PLCL2: variants seen among roughly 807,000 people sequenced by gnomAD.
The protein encoded by PLCL2 is inactive phospholipase C-like protein 2.
A neutral mutation model predicts 79.6 loss-of-function variants in PLCL2; 4 were observed. The observed-to-expected ratio is 0.05, with a 90% CI of 0.02 to 0.11. The LOEUF (loss-of-function observed/expected upper bound fraction) is 0.11. Among genes scored for constraint, PLCL2 ranks in the 10% least tolerant of loss-of-function variants. PLCL2 has a pLI of 1.00. For synonymous variants in PLCL2, 484 were observed against 457.7 expected, an observed-to-expected ratio of 1.06 and a Z score of -0.73; for missense variants, 895 against 1,291.0, an observed-to-expected ratio of 0.69 and a Z score of 4.70.
At chr3:17,003,777 T>G (rs1375031525) in intron 1 of PLCL2, among the ~76,000 whole-genome samples, 3 of 152,132 alleles carry the variant, frequency 2.0e-5, no homozygotes, top group Admixed American at 1.3e-4. Context: ...AAGCTCCTGA[T>G]TACAAGAGGT....
In PLCL2 at chr3:16,902,858, G is replaced by A. The variant is rs530318182; in HGVS notation, c.327+17492G>A. The stretch of plus-strand genomic sequence containing the variant: ...AAAAAAAAAAAAATGCAGTGCGTGT[G>A]TGTGTGTGTGTGTGTGTGTGTGTGN... On this transcript the variant is annotated intron_variant, in intron 1 of 5. Transcript: ENST00000615277. Among the ~76,000 whole-genome samples, 18 of 31,196 alleles carry A rather than the reference G, an allele frequency of 5.8e-4. No individual in the cohort carries two copies. In the South Asian group the frequency reaches 0.022, roughly 38 times the overall value. 20.5% of individuals were successfully genotyped at this position (31,196 alleles called of 152,430 possible). A position where few individuals can be genotyped will look rare whatever the true frequency, so the allele number is the denominator to read the frequency against.
In PLCL2 at chr3:17,011,774, A is replaced by G; in HGVS notation, c.2428A>G (p.Ile810Val). ...AGTGCACCAGAATGGAGACGCTCCC[A>G]TTTTTGATGAAAGCTTTGAATTTCA... is the stretch of plus-strand genomic sequence containing the variant. ...KTVHQNGDAP[I>V]FDESFEFQIN... Residue 810 changes from isoleucine to valine, a missense_variant, in exon 2 of 6, where the codon ATT (isoleucine) becomes GTT (valine). Physicochemically the swap from Ile to Val is conservative, Grantham distance 29. Transcript: ENST00000615277. This position sits in a 1 kb window ranked among gnomAD's most constrained non-coding sequence, Gnocchi z 7.9. The G allele has an allele frequency of 1.9e-6, 3 of 1,614,222 alleles. No individual in the cohort carries two copies. The highest frequency in any genetic ancestry group is 1.1e-5 in the South Asian group (1 of 91,086).
intron 5 of PLCL2, among the ~76,000 whole-genome samples, chr3:17,088,536 CA>C (rs748155385): frequency 6.6e-6 from 1 of 152,054 alleles, no homozygotes; most frequent in Non-Finnish European, 1.5e-5. Flanking sequence ...AAAAATAGAA[CA>C]AAAAAGCAAA....
chr3:17,011,870 A>G lies in PLCL2; in HGVS notation c.2524A>G (p.Ile842Val), dbSNP rs1037396790. 6.2e-7 allele frequency: 1 copy of G among 1,614,240 alleles called. No homozygotes were observed. The highest frequency in any genetic ancestry group is 8.5e-7 in the Non-Finnish European group (1 of 1,180,036). ...TGATGACTACATTGGGGATGAATTC[A>G]TCGGCCAGTACACAATTCCCTTTGA... ...LDDDYIGDEF[I>V]GQYTIPFECL... The change falls in exon 2 of 6, where the codon ATC becomes GTC. Residue 842 changes from isoleucine (I) to valine (V), a missense_variant. Physicochemically the swap from Ile to Val is conservative, Grantham distance 29. This residue lies in a region of PLCL2 where 298 missense variants were observed against 459.6 expected (regional missense o/e 0.65). Transcript: ENST00000615277. This position sits in a 1 kb window ranked among gnomAD's most constrained non-coding sequence, Gnocchi z 7.9.
At chr3:16,962,628 T>G (rs2063765469) in intron 1 of PLCL2, among the ~76,000 whole-genome samples, 1 of 152,188 alleles carries the variant, frequency 6.6e-6, no homozygotes, top group Non-Finnish European at 1.5e-5. Flanking sequence ...AACTTGATAT[T>G]GTTAAAATTT....
intron 1 of PLCL2, among the ~76,000 whole-genome samples, chr3:16,922,391 C>T (rs955408501): frequency 2.6e-5 from 4 of 152,202 alleles, no homozygotes; most frequent in African/African-American, 7.2e-5. Flanking sequence ...TCTCAACTCT[C>T]ATGAAAGATT....
At chr3:17,034,463 T>A (rs919206299) in intron 3 of PLCL2, among the ~76,000 whole-genome samples, 1 of 152,236 alleles carries the variant, frequency 6.6e-6, no homozygotes, top group African/African-American at 2.4e-5. Context: ...CGGCAATATT[T>A]GTTAACTGTT....
At chr3:16,944,582 T>G (rs1223055126) in intron 1 of PLCL2, among the ~76,000 whole-genome samples, 1 of 152,004 alleles carries the variant, frequency 6.6e-6, no homozygotes, top group African/African-American at 2.4e-5. Flanking sequence ...CACACAGAGA[T>G]AAACAGACCA....
intron 1 of PLCL2, among the ~76,000 whole-genome samples, chr3:16,949,934 T>A (rs1450849797): frequency 6.6e-6 from 1 of 152,226 alleles, no homozygotes; most frequent in Non-Finnish European, 1.5e-5. Flanking sequence ...GAATGCCACC[T>A]TTCTTATATT....
chr3:17,089,711 T>G, intron 5 of PLCL2, 22 bp from the exon 6 acceptor site: 1 of 1,408,790 alleles, frequency 7.1e-7, no homozygotes, highest in South Asian at 1.2e-5. Context: ...CTAATACTGT[T>G]TAATTGCATG....
chr3:17,052,702 C>T (rs1021515393), intron 4 of PLCL2, among the ~76,000 whole-genome samples: 2 of 152,302 alleles, frequency 1.3e-5, no homozygotes, highest in East Asian at 3.9e-4. Flanking sequence ...CAAGACCAAC[C>T]CCTTCTCTCC....
intron 5 of PLCL2, among the ~76,000 whole-genome samples, chr3:17,078,995 A>C (rs1374599076): frequency 6.6e-6 from 1 of 152,218 alleles, no homozygotes; most frequent in Non-Finnish European, 1.5e-5. Flanking sequence ...TTTCTGGTCC[A>C]TTTGAAATAC....
At chr3:16,895,176 T>C (rs957572859) in intron 1 of PLCL2, among the ~76,000 whole-genome samples, 4 of 151,578 alleles carry the variant, frequency 2.6e-5, no homozygotes, top group Non-Finnish European at 5.9e-5. Flanking sequence ...TTCTAGTATG[T>C]GACTTGCTTT....
chr3:16,985,024 T>C (rs529926794), intron 1 of PLCL2, among the ~76,000 whole-genome samples: 24 of 152,310 alleles, frequency 1.6e-4, no homozygotes, highest in African/African-American at 5.8e-4. Flanking sequence ...TCATGAAGTA[T>C]AAGCACAAGA....
intron 1 of PLCL2, among the ~76,000 whole-genome samples, chr3:16,997,334 G>A (rs2064163678): frequency 6.6e-6 from 1 of 152,138 alleles, no homozygotes; most frequent in Non-Finnish European, 1.5e-5. Flanking sequence ...CTAAATTACA[G>A]GGTAGACACT....
intron 2 of PLCL2, among the ~76,000 whole-genome samples, chr3:17,013,106 G>C (rs967684514): frequency 6.6e-6 from 1 of 152,130 alleles, no homozygotes; most frequent in Non-Finnish European, 1.5e-5. Context: ...AAGCATAACA[G>C]ACATATGAAG....
intron 1 of PLCL2, among the ~76,000 whole-genome samples, chr3:16,992,566 C>T (rs116432005): frequency 6.6e-6 from 1 of 152,334 alleles, no homozygotes; most frequent in African/African-American, 2.4e-5. Flanking sequence ...ATCTGAATTA[C>T]AGCATCCAAA....
intron 1 of PLCL2, among the ~76,000 whole-genome samples, chr3:16,986,263 G>C (rs1300989631): frequency 6.6e-6 from 1 of 152,006 alleles, no homozygotes; most frequent in Non-Finnish European, 1.5e-5. Context: ...AGAGGAGTTG[G>C]GTTCACACAA....
chr3:16,963,786 A>ATT (rs796568373), intron 1 of PLCL2, among the ~76,000 whole-genome samples: 2 of 146,388 alleles, frequency 1.4e-5, no homozygotes, highest in Non-Finnish European at 1.5e-5. Context: ...AGGTTAAGCA[A>ATT]TTTTTTTTTT....
Sources: allele counts gnomAD v4.1 joint callset (sites outside exome capture counted in the v4.1 genomes callset), GRCh38; gene constraint gnomAD v4.1.1; regional missense constraint gnomAD v4.1.1; non-coding constraint Gnocchi (gnomAD v3.1); transcripts MANE v1.5; gene names NCBI Gene and HGNC (gene_info 2026-07-23, HGNC 2026-07-21).